The following RELN variants were observed in gnomAD, a reference collection of about 807,000 sequenced individuals.
RELN encodes the protein reelin.
Under a neutral mutation model 427.6 loss-of-function variants are expected in RELN, and 108 were observed. That is an observed-to-expected ratio of 0.25 (90% CI 0.22 to 0.30). The LOEUF (loss-of-function observed/expected upper bound fraction) is 0.30, where lower values mean the gene tolerates loss of function less well. Among genes scored for constraint, RELN ranks in the 10% least tolerant of loss-of-function variants. The probability of loss-of-function intolerance (pLI) is 1.00; values close to 1 mark genes in which losing one functional copy is unlikely to be tolerated. For synonymous variants in RELN, 1,524 were observed against 1,513.4 expected (o/e 1.01, Z -0.16); for missense variants, 3,715 against 4,302.8 (o/e 0.86, Z 3.82).
intron 57 of RELN, among the ~76,000 whole-genome samples, chr7:103,495,487 C>G (rs545353292): frequency 2.0e-5 from 3 of 152,164 alleles, no homozygotes; most frequent in Admixed American, 2.0e-4. Flanking sequence ...TACTTTTGCA[C>G]CAGCCTAATA....
intron 3 of RELN, among the ~76,000 whole-genome samples, chr7:103,821,417 G>A (rs1167857706): frequency 6.6e-6 from 1 of 152,132 alleles, no homozygotes; most frequent in Non-Finnish European, 1.5e-5. Flanking sequence ...GCAGCAAATA[G>A]CTTTGGAGAT....
intron 41 of RELN, among the ~76,000 whole-genome samples, chr7:103,549,436 C>T (rs562714276): frequency 6.6e-6 from 1 of 152,318 alleles, no homozygotes; most frequent in Non-Finnish European, 1.5e-5. Flanking sequence ...CTCCTTATTC[C>T]ATTACCTTCA....
intron 1 of RELN, among the ~76,000 whole-genome samples, chr7:103,949,042 A>T (rs1796279661): frequency 6.6e-6 from 1 of 151,102 alleles, no homozygotes; most frequent in South Asian, 2.1e-4. Context: ...AAAAAAAAAA[A>T]AAAAACCCGT....
At position 103,484,467 on chromosome 7, in the gene RELN, TAGCCG is replaced by T. The variant is rs1245615489; in HGVS notation, c.9984-622_9984-618del. ...GGGAGGAAGGGGACACCTGCCTAGC[TAGCCG>T]GATCAGCTGAATCAACCCTGGTGAT... On this transcript the variant is annotated intron_variant, in intron 61 of 64. Coordinates refer to ENST00000428762, the MANE Select transcript of RELN (RefSeq NM_005045.4). 4 of 158,040 alleles carry T rather than the reference TAGCCG, an allele frequency of 2.5e-5. No homozygotes were observed. The East Asian group carries it at 7.7e-4, about 30-fold the overall frequency. The allele number at this position is 158,040 out of a possible 1,614,324, so 9.8% of individuals were successfully genotyped here.
chr7:103,794,793 A>C (rs1046430748), intron 3 of RELN, among the ~76,000 whole-genome samples: 4 of 152,158 alleles, frequency 2.6e-5, no homozygotes, highest in African/African-American at 7.2e-5. Context: ...CTGTAGCACC[A>C]CTAGATGCTA....
At chr7:103,738,972 T>A (rs907876721) in intron 6 of RELN, among the ~76,000 whole-genome samples, 2 of 152,170 alleles carry the variant, frequency 1.3e-5, no homozygotes, top group Non-Finnish European at 2.9e-5. Context: ...TGAGCCATTG[T>A]GCCTGGCCTG....
intron 3 of RELN, among the ~76,000 whole-genome samples, chr7:103,799,312 A>G (rs756840640): frequency 3.3e-5 from 5 of 152,186 alleles, no homozygotes; most frequent in Non-Finnish European, 7.3e-5. Flanking sequence ...GCATTTTTAT[A>G]TGACTAGGTC....
intron 51 of RELN, among the ~76,000 whole-genome samples, chr7:103,507,993 G>A (rs1029455889): frequency 3.9e-5 from 6 of 152,104 alleles, no homozygotes; most frequent in Admixed American, 6.5e-5. Flanking sequence ...GGAAGAAGTC[G>A]AATCCCTGAA....
chr7:103,918,941 C>G lies in RELN; in HGVS notation c.227-1756G>C, dbSNP rs116038219. 9.1e-3 allele frequency among the ~76,000 whole-genome samples: 1,379 copies of G among 151,994 alleles called. 18 individuals carry two copies. Among genetic ancestry groups the G allele is most frequent in the African/African-American group, 0.031 (1,280 of 41,488 alleles). On this transcript the variant is annotated intron_variant, in intron 1 of 64. Coordinates refer to ENST00000428762, the MANE Select transcript of RELN (RefSeq NM_005045.4). ...TTTTATCAGATGCTGTATGCTTACA[C>G]GAATCATCTAAAGAAAAAAATACTT...
rs114197221 is a variant in RELN, at chr7:103,771,431, C to A, written c.544+5126G>T. On this transcript the variant is annotated intron_variant, in intron 4 of 64. Coordinates refer to ENST00000428762, the MANE Select transcript of RELN (RefSeq NM_005045.4). ...ACTTGGCTGCTTCCTCCATGCTCCA[C>A]CCATCTCCCTAATGAATGCATTGCC... is the stretch of plus-strand genomic sequence containing the variant. Among the ~76,000 whole-genome samples the A allele has an allele frequency of 7.6e-3, 1,151 of 152,168 alleles. 10 individuals are homozygous for A. The highest frequency in any genetic ancestry group is 0.026 in the African/African-American group (1,065 of 41,512).
At chr7:103,833,081 A>G (rs1018510410) in intron 3 of RELN, among the ~76,000 whole-genome samples, 2 of 152,158 alleles carry the variant, frequency 1.3e-5, no homozygotes, top group African/African-American at 4.8e-5. Context: ...AAATTAACCT[A>G]TCCATTACAT....
intron 1 of RELN, among the ~76,000 whole-genome samples, chr7:103,975,516 TATTTA>T (rs1796852755): frequency 1.2e-4 from 2 of 17,292 alleles, no homozygotes; most frequent in Admixed American, 7.9e-4. Flanking sequence ...AATGGAGCAG[TATTTA>T]TTTATTTATT....
At chr7:103,653,255 G>T (rs1010093007) in intron 13 of RELN, among the ~76,000 whole-genome samples, 5 of 152,020 alleles carry the variant, frequency 3.3e-5, no homozygotes, top group African/African-American at 1.2e-4. Context: ...GCATGAAGAT[G>T]ACCACGGCAG....
Position 103,902,886 on chromosome 7 carries a change from A to G in RELN, c.337+14189T>C, listed in dbSNP as rs9986990. Among the ~76,000 whole-genome samples the G allele has an allele frequency of 6.0e-3, 915 of 152,272 alleles. 10 individuals are homozygous for G. The highest frequency in any genetic ancestry group is 0.021 in the African/African-American group (882 of 41,582). On this transcript the variant is annotated intron_variant, in intron 2 of 64. Coordinates refer to ENST00000428762, the MANE Select transcript of RELN (RefSeq NM_005045.4). ...GACATGCCAAGAATTCACTTTCACT[A>G]CTTTAAAAAATATCTCAATGATAAT...
At chr7:103,483,996 C>T (rs539798304) in intron 61 of RELN, 146 bp from the exon 62 acceptor site, 15 of 777,786 alleles carry the variant, frequency 1.9e-5, no homozygotes, top group African/African-American at 6.9e-5. Context: ...TTTCCTGCCT[C>T]GGTCTCCCTA....
At chr7:103,520,890 A>G (rs1458283533) in intron 48 of RELN, among the ~76,000 whole-genome samples, 1 of 149,812 alleles carries the variant, frequency 6.7e-6, no homozygotes, top group African/African-American at 2.5e-5. Flanking sequence ...AATACACTTC[A>G]TTGGCACAAA....
intron 16 of RELN, among the ~76,000 whole-genome samples, chr7:103,649,155 G>T (rs1432946895): frequency 6.6e-6 from 1 of 151,882 alleles, no homozygotes; most frequent in Non-Finnish European, 1.5e-5. Flanking sequence ...TTGCAGCACT[G>T]TTCATAATAG....
At chr7:103,529,396 G>A (rs1829892256) in intron 46 of RELN, among the ~76,000 whole-genome samples, 1 of 151,434 alleles carries the variant, frequency 6.6e-6, no homozygotes, top group African/African-American at 2.4e-5. Context: ...TTCAAACTGT[G>A]ACTTAAAATA....
chr7:103,489,786 T>C lies in RELN; in HGVS notation c.9719A>G (p.Tyr3240Cys). The C allele has an allele frequency of 6.2e-7, 1 of 1,614,202 alleles. No individual in the cohort carries two copies. The highest frequency in any genetic ancestry group is 1.1e-5 in the South Asian group (1 of 91,086). ...ACPKLCSGHG[Y>C]CTTGAICICD... ...GATGCAGATGGCACCGGTCGTGCAG[T>C]ATCCGTGCCCGCTGCAGAGCTTGGG... Residue 3240 changes from tyrosine to cysteine, a missense_variant, in exon 60 of 65, where the codon TAC (tyrosine) becomes TGC (cysteine). By Grantham distance (194) the Tyr-to-Cys change is radical. Around this residue, in one of 4 missense-constraint regions of RELN, gnomAD observed 2 missense variants for 16.8 expected, o/e 0.12. Transcript: ENST00000428762.
Sources: allele counts gnomAD v4.1 joint callset (sites outside exome capture counted in the v4.1 genomes callset), GRCh38; gene constraint gnomAD v4.1.1; regional missense constraint gnomAD v4.1.1; transcripts MANE v1.5; gene names NCBI Gene and HGNC (gene_info 2026-07-23, HGNC 2026-07-21).